The following FXN variants were observed in gnomAD, a reference collection of about 807,000 sequenced individuals.
FXN encodes frataxin.
FXN carries 14 observed loss-of-function variants against 22.4 expected under a neutral mutation model. The ratio of observed to expected loss-of-function variants is 0.62; its 90% CI spans 0.41 to 0.98. The LOEUF (loss-of-function observed/expected upper bound fraction) is 0.98. Among genes scored for constraint, FXN ranks in the 50% least tolerant of loss-of-function variants. The pLI is 0.00. For missense variants in FXN, 267 were observed against 268.4 expected, an observed-to-expected ratio of 0.99 and a Z score of 0.04; for synonymous variants, 120 against 114.1, an observed-to-expected ratio of 1.05 and a Z score of -0.33.
At chr9:69,065,684 C>T (rs1327506418) in intron 4 of FXN, among the ~76,000 whole-genome samples, 1 of 152,182 alleles carries the variant, frequency 6.6e-6, no homozygotes, top group African/African-American at 2.4e-5. Context: ...ATACTGTAAG[C>T]AGGCATCAGG....
At chr9:69,062,283 T>C (rs889319984) in intron 3 of FXN, among the ~76,000 whole-genome samples, 9 of 152,136 alleles carry the variant, frequency 5.9e-5, no homozygotes, top group Non-Finnish European at 1.3e-4. Context: ...AGTGAATTTG[T>C]AATTTTTTGT....
intron 1 of FXN, 53 bp downstream of exon 1, chr9:69,036,000 C>G: frequency 7.8e-7 from 1 of 1,281,190 alleles, no homozygotes; most frequent in Middle Eastern, 3.0e-4. Context: ...GGCCGCACGC[C>G]GCACGCCTGC....
intron 3 of FXN, among the ~76,000 whole-genome samples, chr9:69,058,600 T>TTTA (rs1832006440): frequency 7.0e-6 from 1 of 143,142 alleles, no homozygotes; most frequent in African/African-American, 2.6e-5. Context: ...ACTCACCTGT[T>TTTA]AAAAAAAAAA....
intron 1 of FXN, among the ~76,000 whole-genome samples, chr9:69,042,760 G>C (rs908298981): frequency 1.3e-5 from 2 of 152,090 alleles, no homozygotes; most frequent in African/African-American, 4.8e-5. Context: ...AAGGTTTGAG[G>C]GGCCAGGATC....
chr9:69,035,906 C>T lies in FXN; in HGVS notation c.124C>T (p.Leu42=). The change falls in exon 1 of 5, where the codon CTG becomes TTG. Residue 42 remains leucine (L), a synonymous_variant. Coordinates refer to ENST00000484259, the MANE Select transcript of FXN (RefSeq NM_000144.5). ...ELAPLCGRRG[L]RTDIDATCTP... is the part of the protein sequence containing the mutation. ...GGCCCCACTCTGCGGCCGCCGTGGC[C>T]TGCGCACCGACATCGATGCGACCTG... The T allele has an allele frequency of 1.3e-6, 2 of 1,487,510 alleles. No homozygotes were observed. Among genetic ancestry groups the T allele is most frequent in the South Asian group, 1.3e-5 (1 of 79,374 alleles). The allele number at this position is 1,487,510 out of a possible 1,614,324, so 92.1% of individuals were successfully genotyped here. A position where few individuals can be genotyped will look rare whatever the true frequency, so the allele number is the denominator to read the frequency against.
intron 2 of FXN, among the ~76,000 whole-genome samples, chr9:69,052,421 T>G (rs955519579): frequency 2.7e-4 from 41 of 152,142 alleles, no homozygotes; most frequent in Non-Finnish European, 5.6e-4. Context: ...CCGAAAGTCC[T>G]GGGATTACAG....
chr9:69,051,445 GTTAAATAATC>G (rs1374376421), intron 2 of FXN, among the ~76,000 whole-genome samples: 1 of 151,116 alleles, frequency 6.6e-6, no homozygotes, highest in South Asian at 2.1e-4. Context: ...TTTGAGAAGT[GTTAAATAATC>G]TTTCTTTGAT....
chr9:69,052,703 C>T (rs574879885), intron 2 of FXN, among the ~76,000 whole-genome samples: 10 of 151,984 alleles, frequency 6.6e-5, no homozygotes, highest in South Asian at 2.1e-4. Flanking sequence ...TCACCACGCC[C>T]GGCTAATTTT....
At position 69,072,968 on chromosome 9, in the gene FXN, A is replaced by G. The variant is rs1832300775; in HGVS notation, c.*206A>G. 7.0e-7 allele frequency: 1 copy of G among 1,438,492 alleles called. No individual in the cohort carries two copies. Among genetic ancestry groups the G allele is most frequent in the Admixed American group, 2.8e-5 (1 of 35,172 alleles). 89.1% of individuals were successfully genotyped at this position (1,438,492 alleles called of 1,614,324 possible). A position where few individuals can be genotyped will look rare whatever the true frequency, so the allele number is the denominator to read the frequency against. The stretch of plus-strand genomic sequence containing the variant: ...AAGTTCTGATTTTTAATTTCTATGG[A>G]AGATTTTTTGGATTGTCGGATTTCC... On this transcript the variant is annotated 3_prime_UTR_variant, in exon 5 of 5. Transcript: ENST00000484259.
At chr9:69,042,430 T>C (rs1055426908) in intron 1 of FXN, among the ~76,000 whole-genome samples, 1 of 152,148 alleles carries the variant, frequency 6.6e-6, no homozygotes, top group African/African-American at 2.4e-5. Context: ...TTCTCTTGTT[T>C]TATGCTCACG....
Position 69,077,968 on chromosome 9 carries a change from AGGT to A in FXN, c.*5209_*5211del. 1.0e-6 allele frequency: 1 copy of A among 984,528 alleles called. No individual in the cohort carries two copies. Among genetic ancestry groups the A allele is most frequent in the Non-Finnish European group, 1.2e-6 (1 of 829,100 alleles). The allele number at this position is 984,528 out of a possible 1,614,324, so 61.0% of individuals were successfully genotyped here. On this transcript the variant is annotated 3_prime_UTR_variant, in exon 5 of 5. Transcript: ENST00000484259. ...CCCGTGTCTGCCATCTTAAGTGTAA[AGGT>A]GGCTAAATTATATAGAAAAATAAGA...
chr9:69,046,193 G>A (rs1173717731), intron 1 of FXN, among the ~76,000 whole-genome samples, 192 bp from the exon 2 acceptor site: 1 of 152,168 alleles, frequency 6.6e-6, no homozygotes, highest in East Asian at 1.9e-4. Flanking sequence ...TAGGAAACCG[G>A]GAACCAGGGG....
At chr9:69,051,268 T>C (rs1831844703) in intron 2 of FXN, among the ~76,000 whole-genome samples, 1 of 152,070 alleles carries the variant, frequency 6.6e-6, no homozygotes, top group African/African-American at 2.4e-5. Flanking sequence ...GCTAATTTTT[T>C]AATTTTTGGT....
At chr9:69,045,846 G>A (rs530943238) in intron 1 of FXN, among the ~76,000 whole-genome samples, 1 of 151,332 alleles carries the variant, frequency 6.6e-6, no homozygotes, top group East Asian at 2.0e-4. Context: ...AAGGGCAAGT[G>A]GGGGGGTCCC....
At chr9:69,066,339 C>T (rs1230165557) in intron 4 of FXN, among the ~76,000 whole-genome samples, 2 of 152,152 alleles carry the variant, frequency 1.3e-5, no homozygotes, top group Admixed American at 6.5e-5. Flanking sequence ...AATATTTTCC[C>T]ATTTATTATT....
rs1377786380 is a variant in FXN at position 69,053,359 on chromosome 9, C to G, written c.384+99C>G. 8.5e-6 allele frequency: 12 copies of G among 1,413,966 alleles called. No homozygotes were observed. In the Admixed American group the frequency reaches 2.0e-4, roughly 24 times the overall value. The allele number at this position is 1,413,966 out of a possible 1,614,324, so 87.6% of individuals were successfully genotyped here. On this transcript the variant is annotated intron_variant, in intron 3 of 4. Transcript: ENST00000484259. ...TCCAGCAGAGCTAAGCATCAAGTAG[C>G]ATGTAGTTGTAGGTAGGATTAAAAG...
At chr9:69,065,540 C>CAA (rs34769489) in intron 4 of FXN, among the ~76,000 whole-genome samples, 55,356 of 140,692 alleles carry the variant, frequency 0.39, 11,223 homozygotes, top group Non-Finnish European at 0.43. Context: ...GACCCTGTCC[C>CAA]AAAAAAAAAA....
At chr9:69,052,917 G>C (rs2133110411) in intron 2 of FXN, among the ~76,000 whole-genome samples, 1 of 150,272 alleles carries the variant, frequency 6.7e-6, no homozygotes, top group East Asian at 2.0e-4. Flanking sequence ...GAGGCACGTG[G>C]TGGATCACTT....
intron 2 of FXN, among the ~76,000 whole-genome samples, chr9:69,049,596 A>C (rs1831816959): frequency 6.6e-6 from 1 of 152,178 alleles, no homozygotes; most frequent in East Asian, 1.9e-4. Context: ...ATATCCTCAC[A>C]GGGGCACAAA....
Sources: gnomAD v4.1 joint callset for allele counts (sites outside exome capture counted in the v4.1 genomes callset) on GRCh38, gnomAD v4.1.1 for gene constraint, MANE v1.5 for transcripts, NCBI Gene and HGNC (gene_info 2026-07-23, HGNC 2026-07-21) for gene names.